Variants in SLC8A1 observed in about 807,000 individuals in gnomAD.
SLC8A1 encodes the protein sodium/calcium exchanger 1.
Under a neutral mutation model 68.3 loss-of-function variants are expected in SLC8A1, and 18 were observed. That is an observed-to-expected ratio of 0.26 (90% CI 0.18 to 0.39). The LOEUF is 0.39. Among genes scored for constraint, SLC8A1 ranks in the 10% least tolerant of loss-of-function variants. The pLI, the probability that SLC8A1 is intolerant of heterozygous loss-of-function variation, is 1.00. For synonymous variants in SLC8A1, 475 were observed against 415.5 expected, an observed-to-expected ratio of 1.14 and a Z score of -1.74; for missense variants, 985 against 1,156.7, an observed-to-expected ratio of 0.85 and a Z score of 2.15.
chr2:40,208,454 A>T (rs1424080645), intron 2 of SLC8A1: 1 of 152,184 alleles, frequency 6.6e-6, no homozygotes, highest in African/African-American at 2.4e-5. Context: ...TCTTTCAGGT[A>T]TCACTGGGCA....
At chr2:40,128,882 A>G (rs932041330) in intron 7 of SLC8A1, among the ~76,000 whole-genome samples, 13 of 152,238 alleles carry the variant, frequency 8.5e-5, no homozygotes, top group Non-Finnish European at 1.6e-4. Context: ...TCATGTAGAG[A>G]ATCCATGACA....
At chr2:40,214,009 AG>A (rs986125383) in intron 2 of SLC8A1, among the ~76,000 whole-genome samples, 2 of 152,202 alleles carry the variant, frequency 1.3e-5, no homozygotes, top group Admixed American at 1.3e-4. Flanking sequence ...AGAAATCCTC[AG>A]AAAACCTAAG....
At chr2:40,264,410 T>C (rs1207035847) in intron 2 of SLC8A1, among the ~76,000 whole-genome samples, 20 of 152,198 alleles carry the variant, frequency 1.3e-4, no homozygotes, top group East Asian at 7.7e-4. Flanking sequence ...CGTATGTTTA[T>C]TGCGGCACTA....
At chr2:40,404,851 ATTTT>A (rs1167663118) in intron 2 of SLC8A1, among the ~76,000 whole-genome samples, 1 of 152,132 alleles carries the variant, frequency 6.6e-6, no homozygotes, top group Non-Finnish European at 1.5e-5. Context: ...TGCCACAGTG[ATTTT>A]TTTGTTTTAT....
Position 40,424,291 on chromosome 2 carries a change from T to A in SLC8A1, c.1808+4182A>T, listed in dbSNP as rs78382316. On this transcript the variant is annotated intron_variant, in intron 2 of 7. Transcript: ENST00000406785. ...TTGTTTACATCTGGCTGTCTTATTGTATTTTGTTCTACTCTCAGAATTGAA... is the reference window on the plus strand; with the variant it reads ...TTGTTTACATCTGGCTGTCTTATTGAATTTTGTTCTACTCTCAGAATTGAA... 7.6e-3 allele frequency among the ~76,000 whole-genome samples: 1,150 copies of A among 151,968 alleles called. 13 individuals are homozygous for A. Among genetic ancestry groups the A allele is most frequent in the African/African-American group, 0.026 (1,090 of 41,554 alleles).
intron 2 of SLC8A1, among the ~76,000 whole-genome samples, chr2:40,358,831 C>G (rs1416030094): frequency 3.3e-5 from 5 of 152,184 alleles, no homozygotes; most frequent in Non-Finnish European, 7.3e-5. Context: ...CAATGACACA[C>G]TGAAGCGTGC....
chr2:40,469,903 G>C (rs1703906615), intron 1 of SLC8A1, among the ~76,000 whole-genome samples: 1 of 152,112 alleles, frequency 6.6e-6, no homozygotes, highest in African/African-American at 2.4e-5. Context: ...AATGTTTTCA[G>C]CAACCATTGC....
chr2:40,269,936 G>C (rs1312027953), intron 2 of SLC8A1, among the ~76,000 whole-genome samples: 2 of 152,142 alleles, frequency 1.3e-5, no homozygotes, highest in African/African-American at 4.8e-5. Context: ...GGCATGCAGG[G>C]TGAATGGCAT....
chr2:40,211,713 T>C (rs1295883795), intron 2 of SLC8A1, among the ~76,000 whole-genome samples: 1 of 152,202 alleles, frequency 6.6e-6, no homozygotes, highest in East Asian at 1.9e-4. Context: ...TCTGGAAATC[T>C]GGACTTGGAC....
chr2:40,352,748 T>C (rs1299302203), intron 2 of SLC8A1, among the ~76,000 whole-genome samples: 2 of 152,198 alleles, frequency 1.3e-5, no homozygotes, highest in African/African-American at 4.8e-5. Context: ...AATGATTTTT[T>C]TCCGAACAAG....
At chr2:40,467,496 T>C (rs1263980629) in intron 1 of SLC8A1, among the ~76,000 whole-genome samples, 1 of 152,190 alleles carries the variant, frequency 6.6e-6, no homozygotes, top group Non-Finnish European at 1.5e-5. Flanking sequence ...TATCTTTCTC[T>C]CAATTAAAAA....
At chr2:40,234,877 G>A (rs1358197676) in intron 2 of SLC8A1, among the ~76,000 whole-genome samples, 1 of 151,998 alleles carries the variant, frequency 6.6e-6, no homozygotes. Flanking sequence ...TTTGTCTTTG[G>A]CTCTGTTTAT....
intron 2 of SLC8A1, among the ~76,000 whole-genome samples, chr2:40,327,562 C>T (rs1384061821): frequency 6.6e-6 from 1 of 150,910 alleles, no homozygotes; most frequent in South Asian, 2.1e-4. Flanking sequence ...AGTGCTTCAC[C>T]GTGGAATACT....
intron 2 of SLC8A1, among the ~76,000 whole-genome samples, chr2:40,237,380 C>T (rs1158740174): frequency 1.3e-5 from 2 of 152,204 alleles, no homozygotes; most frequent in Non-Finnish European, 2.9e-5. Context: ...GACACCCTTT[C>T]TTCCAGTTGA....
chr2:40,356,019 G>C (rs1672552155), intron 2 of SLC8A1, among the ~76,000 whole-genome samples: 1 of 152,002 alleles, frequency 6.6e-6, no homozygotes, highest in Admixed American at 6.6e-5. Context: ...GTCACTGATG[G>C]TTACGCACAT....
In SLC8A1 at chr2:40,387,484, G is replaced by T. The variant is rs78895377; in HGVS notation, c.1808+40989C>A. 3.5e-3 allele frequency among the ~76,000 whole-genome samples: 522 copies of T among 151,018 alleles called. 20 individuals carry two copies. Among genetic ancestry groups the T allele is most frequent in the African/African-American group, 0.012 (501 of 40,586 alleles). On this transcript the variant is annotated intron_variant, in intron 2 of 7. Coordinates refer to ENST00000406785, the Ensembl canonical transcript of SLC8A1. ...TAATTGAAACCAGATACAAAACATC[G>T]CAGACAAACTACCTAAGAGTACCTT... is the stretch of plus-strand genomic sequence containing the variant.
chr2:40,127,276 A>G (rs1292204163), intron 7 of SLC8A1, among the ~76,000 whole-genome samples: 1 of 152,190 alleles, frequency 6.6e-6, no homozygotes, highest in Non-Finnish European at 1.5e-5. Flanking sequence ...GACATAGCAG[A>G]AAGTTATTGT....
intron 2 of SLC8A1, among the ~76,000 whole-genome samples, chr2:40,422,622 T>C (rs1246107937): frequency 6.6e-6 from 1 of 152,156 alleles, no homozygotes; most frequent in Non-Finnish European, 1.5e-5. Context: ...GAGAAAATGA[T>C]GTGACAATAG....
chr2:40,438,083 G>C (rs896499652), intron 1 of SLC8A1, among the ~76,000 whole-genome samples: 1 of 152,148 alleles, frequency 6.6e-6, no homozygotes, highest in African/African-American at 2.4e-5. Flanking sequence ...TAGAAATCTC[G>C]GACTGCTCAG....
Sources: gnomAD v4.1 joint callset for allele counts (sites outside exome capture counted in the v4.1 genomes callset) on GRCh38, gnomAD v4.1.1 for gene constraint, MANE v1.5 for transcripts, NCBI Gene and HGNC (gene_info 2026-07-23, HGNC 2026-07-21) for gene names.